P4HA1: variants seen among roughly 807,000 people sequenced by gnomAD.
P4HA1 encodes prolyl 4-hydroxylase subunit alpha 1, also known as prolyl 4-hydroxylase subunit alpha-1.
P4HA1 carries 24 observed loss-of-function variants against 72.8 expected under a neutral mutation model. The ratio of observed to expected loss-of-function variants is 0.33; its 90% CI spans 0.24 to 0.46. The LOEUF is 0.46. Ranked by LOEUF, P4HA1 falls within the 20% of genes least tolerant of loss-of-function variation. P4HA1 has a pLI of 1.00. For synonymous variants in P4HA1, 201 were observed against 218.8 expected (o/e 0.92, Z 0.72); for missense variants, 446 against 640.6 (o/e 0.70, Z 3.28).
At chr10:73,092,913 G>A (rs571508756) in intron 1 of P4HA1, among the ~76,000 whole-genome samples, 2 of 151,886 alleles carry the variant, frequency 1.3e-5, no homozygotes, top group South Asian at 4.2e-4. Context: ...GAGGCCAGGA[G>A]TTCGAGACTA....
chr10:73,045,414 A>G (rs1031100069), intron 8 of P4HA1, among the ~76,000 whole-genome samples: 2 of 152,122 alleles, frequency 1.3e-5, no homozygotes, highest in Admixed American at 1.3e-4. Flanking sequence ...AAGGGGAAAA[A>G]AAGAAGAATG....
chr10:73,046,599 G>A (rs1234403055), intron 8 of P4HA1, among the ~76,000 whole-genome samples: 1 of 152,166 alleles, frequency 6.6e-6, no homozygotes, highest in Non-Finnish European at 1.5e-5. Context: ...GCTTTGAGTA[G>A]CCTCTGAGAT....
rs746873144 is a variant in P4HA1 at position 73,013,492 on chromosome 10, C to T, written c.1368+732G>A. On this transcript the variant is annotated intron_variant, in intron 12 of 14. Coordinates refer to ENST00000394890, the MANE Select transcript of P4HA1 (RefSeq NM_001017962.3). ...AGATACCCCAGTGCCAGGCATTTGA[C>T]GGCAAATACATGTCAGATTTGGAGC... 2.2e-4 allele frequency among the ~76,000 whole-genome samples: 34 copies of T among 152,260 alleles called. No homozygotes were observed. In the Middle Eastern group the frequency reaches 0.01, roughly 46 times the overall value.
chr10:73,073,953 C>A, intron 2 of P4HA1, 126 bp from the exon 3 acceptor site: 1 of 656,862 alleles, frequency 1.5e-6, no homozygotes, highest in Non-Finnish European at 2.7e-6. Flanking sequence ...ATGCTGGAGA[C>A]TATCTTTTCT....
chr10:73,090,865 C>T (rs113764404), intron 1 of P4HA1, among the ~76,000 whole-genome samples: 8,667 of 151,512 alleles, frequency 0.057, 773 homozygotes, highest in African/African-American at 0.19. Context: ...GTTCGAGACC[C>T]GCCCGGCCAA....
At chr10:73,064,035 CAAGAAT>C (rs1412784508) in intron 5 of P4HA1, among the ~76,000 whole-genome samples, 2 of 152,050 alleles carry the variant, frequency 1.3e-5, no homozygotes, top group African/African-American at 2.4e-5. Context: ...TGATGAGAAA[CAAGAAT>C]AAGTTGTAAA....
chr10:73,013,970 T>G (rs1421834375), intron 12 of P4HA1, among the ~76,000 whole-genome samples: 1 of 152,176 alleles, frequency 6.6e-6, no homozygotes, highest in African/African-American at 2.4e-5. Flanking sequence ...AGAGACTATA[T>G]GTTAAAATAT....
intron 1 of P4HA1, among the ~76,000 whole-genome samples, chr10:73,084,631 T>C (rs7905836): frequency 0.16 from 24,078 of 152,018 alleles, 3,153 homozygotes; most frequent in African/African-American, 0.34. Flanking sequence ...GAATTTTATA[T>C]AGCAGTTATA....
chr10:73,018,711 CA>C (rs1840066266), intron 10 of P4HA1, among the ~76,000 whole-genome samples: 1 of 151,848 alleles, frequency 6.6e-6, no homozygotes, highest in African/African-American at 2.4e-5. Flanking sequence ...CTAATAGAGC[CA>C]AACCCTGCAT....
In P4HA1 at chr10:73,073,831, G is replaced by A. The variant is rs1841626050; in HGVS notation, c.77-4C>T. ...TGGATCAAATCAGTCATCTGACCTA[G>A]AAGGGGAAGAAGGTTATCAAATACT... is the stretch of plus-strand genomic sequence containing the variant. On this transcript the variant is annotated splice_polypyrimidine_tract_variant and splice_region_variant and intron_variant, in intron 2 of 14. Coordinates refer to ENST00000394890, the MANE Select transcript of P4HA1 (RefSeq NM_001017962.3). The A allele has an allele frequency of 2.2e-6, 3 of 1,344,086 alleles. No homozygotes were observed. Among genetic ancestry groups the A allele is most frequent in the Admixed American group, 1.7e-5 (1 of 59,630 alleles). The allele number at this position is 1,344,086 out of a possible 1,614,324, so 83.3% of individuals were successfully genotyped here.
At chr10:73,049,993 G>A (rs374695852) in intron 7 of P4HA1, among the ~76,000 whole-genome samples, 22 of 151,808 alleles carry the variant, frequency 1.4e-4, no homozygotes, top group East Asian at 1.4e-3. Context: ...AGGAAACCCC[G>A]TCTTTACTAA....
In P4HA1 at chr10:73,008,062, A is replaced by C; in HGVS notation, c.*160T>G. ...TCGTGTTACTTTTAAAAGAACCCACAAAGTAAGCAATTGTCCACAGATGAA... is the reference window on the plus strand; with the variant it reads ...TCGTGTTACTTTTAAAAGAACCCACCAAGTAAGCAATTGTCCACAGATGAA... On this transcript the variant is annotated 3_prime_UTR_variant, in exon 15 of 15. Coordinates refer to ENST00000394890, the MANE Select transcript of P4HA1 (RefSeq NM_001017962.3). The C allele has an allele frequency of 2.4e-6, 1 of 418,088 alleles. No individual in the cohort carries two copies. The highest frequency in any genetic ancestry group is 4.2e-6 in the Non-Finnish European group (1 of 236,226). 25.9% of individuals were successfully genotyped at this position (418,088 alleles called of 1,614,324 possible). A position where few individuals can be genotyped will look rare whatever the true frequency, so the allele number is the denominator to read the frequency against.
intron 1 of P4HA1, among the ~76,000 whole-genome samples, chr10:73,096,246 G>A (rs1842162380): frequency 6.6e-6 from 1 of 152,144 alleles, no homozygotes; most frequent in African/African-American, 2.4e-5. Context: ...CCCAGCTCCC[G>A]GCGACTTTCG....
chr10:73,070,527 AGACAGAGTCTT>A (rs1841534661), intron 4 of P4HA1, among the ~76,000 whole-genome samples: 1 of 152,074 alleles, frequency 6.6e-6, no homozygotes, highest in Non-Finnish European at 1.5e-5. Flanking sequence ...CTCTTTTTAG[AGACAGAGTCTT>A]GCCATGTTGC....
intron 1 of P4HA1, among the ~76,000 whole-genome samples, chr10:73,081,485 A>G (rs1036111202): frequency 3.3e-5 from 5 of 152,190 alleles, no homozygotes; most frequent in Non-Finnish European, 5.9e-5. Context: ...TATGGAAGAA[A>G]TCCTACCAGA....
chr10:73,073,435 G>A (rs1316086566), intron 3 of P4HA1, among the ~76,000 whole-genome samples: 1 of 151,896 alleles, frequency 6.6e-6, no homozygotes, highest in East Asian at 2.0e-4. Context: ...TGGCCAGGCT[G>A]GTCTTGAACT....
intron 9 of P4HA1, among the ~76,000 whole-genome samples, chr10:73,039,170 G>C (rs1840673973): frequency 6.6e-6 from 1 of 152,052 alleles, no homozygotes; most frequent in Admixed American, 6.6e-5. Context: ...TGTATTCCCA[G>C]CTACTCGGGA....
intron 5 of P4HA1, among the ~76,000 whole-genome samples, chr10:73,067,964 T>C (rs1460255471): frequency 6.6e-6 from 1 of 152,200 alleles, no homozygotes; most frequent in Non-Finnish European, 1.5e-5. Context: ...TTAATATCTA[T>C]GAAAACCTGA....
intron 1 of P4HA1, among the ~76,000 whole-genome samples, chr10:73,091,055 C>A (rs1489418087): frequency 2.1e-5 from 2 of 93,042 alleles, no homozygotes; most frequent in African/African-American, 4.5e-5. Flanking sequence ...AGTGAGAGTC[C>A]ATCTCAAAAA....
Sources: gnomAD v4.1 joint callset for allele counts (sites outside exome capture counted in the v4.1 genomes callset) on GRCh38, gnomAD v4.1.1 for gene constraint, MANE v1.5 for transcripts, NCBI Gene and HGNC (gene_info 2026-07-23, HGNC 2026-07-21) for gene names.